The following CHD9 variants were observed in gnomAD, a reference collection of about 807,000 sequenced individuals.
CHD9 encodes the protein ATP-dependent chromatin remodeler CHD9.
Under a neutral mutation model 316.1 loss-of-function variants are expected in CHD9, and 77 were observed. The observed-to-expected ratio is 0.24, with a 90% CI of 0.20 to 0.29. CHD9 has a LOEUF of 0.29. Ranked by LOEUF, CHD9 falls within the 10% of genes least tolerant of loss-of-function variation. CHD9 has a pLI of 1.00. For missense variants in CHD9, 2,763 were observed against 3,438.1 expected (o/e 0.80, Z 4.91); for synonymous variants, 1,129 against 1,158.3 (o/e 0.97, Z 0.51).
At chr16:53,209,147 CTT>C (rs2046126629) in intron 2 of CHD9, among the ~76,000 whole-genome samples, 1 of 152,088 alleles carries the variant, frequency 6.6e-6, no homozygotes, top group Non-Finnish European at 1.5e-5. Context: ...AAAGAAAAGA[CTT>C]TTATTCCAAA....
intron 24 of CHD9, among the ~76,000 whole-genome samples, chr16:53,279,529 A>G (rs752460460): frequency 6.6e-6 from 1 of 152,192 alleles, no homozygotes; most frequent in African/African-American, 2.4e-5. Flanking sequence ...TCAACTAGAG[A>G]TGGATCATGG....
At chr16:53,213,485 G>A (rs934074046) in intron 3 of CHD9, among the ~76,000 whole-genome samples, 2 of 152,066 alleles carry the variant, frequency 1.3e-5, no homozygotes, top group Admixed American at 1.3e-4. Flanking sequence ...ATGGAAAGAA[G>A]GTTAAATATT....
At chr16:53,250,558 A>G (rs1246664135) in intron 17 of CHD9, 1 of 152,416 alleles carries the variant, frequency 6.6e-6, no homozygotes, top group African/African-American at 2.4e-5. Flanking sequence ...AAATTTCAGA[A>G]TTTTAATCCT....
rs1017345278 is a variant in CHD9, at chr16:53,164,645, A to AG, written c.1452+7112dup. On this transcript the variant is annotated intron_variant, in intron 2 of 38. Coordinates refer to ENST00000447540, the MANE Select transcript of CHD9 (RefSeq NM_001308319.2). ...GTTCTGTTTTTTGTTTTTTTTTTGGAGGGGGGGGTTTGTTGTTGTTGTTTT... is the reference window on the plus strand; with the variant it reads ...GTTCTGTTTTTTGTTTTTTTTTTGGAGGGGGGGGGTTTGTTGTTGTTGTTTT... 9.7e-5 allele frequency among the ~76,000 whole-genome samples: 14 copies of AG among 144,562 alleles called. No individual in the cohort carries two copies. In the South Asian group the frequency reaches 1.1e-3, roughly 12 times the overall value. The allele number at this position is 144,562 out of a possible 152,430, so 94.8% of individuals were successfully genotyped here.
At chr16:53,173,037 TTG>T (rs1478953520) in intron 2 of CHD9, among the ~76,000 whole-genome samples, 2 of 152,132 alleles carry the variant, frequency 1.3e-5, no homozygotes, top group Non-Finnish European at 1.5e-5. Context: ...GAAAATAAAA[TTG>T]TGTTTTGTTT....
chr16:53,306,496 G>C (rs1262393696), intron 32 of CHD9, 99 bp downstream of exon 32: 1 of 966,538 alleles, frequency 1.0e-6, no homozygotes, highest in African/African-American at 1.7e-5. Flanking sequence ...ATAGGTCAGC[G>C]TAAAATGTAG....
intron 1 of CHD9, among the ~76,000 whole-genome samples, chr16:53,102,337 C>T (rs2036952485): frequency 1.3e-5 from 2 of 152,056 alleles, no homozygotes; most frequent in African/African-American, 4.8e-5. Context: ...ACTGTATTCC[C>T]TGTGTTGAGT....
At chr16:53,313,487 G>A (rs918519480) in intron 34 of CHD9, among the ~76,000 whole-genome samples, 1 of 151,938 alleles carries the variant, frequency 6.6e-6, no homozygotes, top group Admixed American at 6.6e-5. Flanking sequence ...TGTATTTTTA[G>A]TAGAGACGTG....
Position 53,222,714 on chromosome 16 carries a change from G to C in CHD9, c.1855G>C (p.Glu619Gln). The change falls in exon 4 of 39, where the codon GAA becomes CAA. Residue 619 changes from glutamate to glutamine, a missense_variant. Glu to Gln is a conservative substitution (Grantham distance 29). Transcript: ENST00000447540. The stretch of plus-strand genomic sequence containing the variant: ...GTCTTCAGATGAAATATCTGATGCA[G>C]AACAGATGCCACAGCATACATTAAA... ...NESSDEISDA[E>Q]QMPQHTLKDQ... 6.3e-7 allele frequency: 1 copy of C among 1,578,540 alleles called. No homozygotes were observed. The highest frequency in any genetic ancestry group is 8.6e-7 in the Non-Finnish European group (1 of 1,157,434).
intron 1 of CHD9, among the ~76,000 whole-genome samples, chr16:53,109,037 G>A (rs2037617142): frequency 6.6e-6 from 1 of 152,202 alleles, no homozygotes; most frequent in Non-Finnish European, 1.5e-5. Flanking sequence ...GGGATGTGCA[G>A]GGAGGAATAA....
intron 2 of CHD9, chr16:53,207,943 G>A: frequency 1.5e-6 from 1 of 659,072 alleles, no homozygotes; most frequent in African/African-American, 2.0e-5. Context: ...CCATCTGCTG[G>A]CCTACTTCCG....
intron 1 of CHD9, among the ~76,000 whole-genome samples, chr16:53,109,691 T>TTTTTC (rs1555485091): frequency 0.054 from 6,732 of 125,452 alleles, 640 homozygotes; most frequent in African/African-American, 0.17. Context: ...TTTTTTTTTT[T>TTTTTC]TTTTTTTTTT....
At chr16:53,271,586 A>C (rs112229506) in intron 22 of CHD9, among the ~76,000 whole-genome samples, 1 of 151,796 alleles carries the variant, frequency 6.6e-6, no homozygotes, top group African/African-American at 2.4e-5. Flanking sequence ...AAAAAAAAAG[A>C]AAAAGAAAAA....
chr16:53,145,865 T>C (rs117290663), intron 1 of CHD9, among the ~76,000 whole-genome samples: 1,837 of 152,174 alleles, frequency 0.012, 23 homozygotes, highest in Non-Finnish European at 0.02. Context: ...AATATACATA[T>C]AATGGAATAT....
chr16:53,171,085 T>G (rs926566276), intron 2 of CHD9, among the ~76,000 whole-genome samples: 1 of 152,150 alleles, frequency 6.6e-6, no homozygotes, highest in Non-Finnish European at 1.5e-5. Flanking sequence ...TGTTTCTCCT[T>G]TTAGGATTGG....
intron 19 of CHD9, among the ~76,000 whole-genome samples, chr16:53,261,591 G>A (rs539407281): frequency 1.3e-5 from 2 of 152,070 alleles, no homozygotes; most frequent in East Asian, 3.9e-4. Context: ...TGCCCAGGCT[G>A]GTCTTGAACT....
At chr16:53,208,453 A>C in intron 2 of CHD9, 5 of 1,196,084 alleles carry the variant, frequency 4.2e-6, no homozygotes, top group Non-Finnish European at 5.3e-6. Context: ...CGGGAGTCGT[A>C]CTGCATCGCC....
intron 38 of CHD9, among the ~76,000 whole-genome samples, chr16:53,322,895 T>C (rs1179910511): frequency 6.6e-6 from 1 of 152,196 alleles, no homozygotes; most frequent in African/African-American, 2.4e-5. Context: ...TATCTCTGAA[T>C]GTTGAGATGA....
chr16:53,152,748 G>A (rs1404306945), intron 1 of CHD9, among the ~76,000 whole-genome samples: 3 of 152,158 alleles, frequency 2.0e-5, no homozygotes, highest in Non-Finnish European at 4.4e-5. Flanking sequence ...AGTTTATTAG[G>A]TAAATGGGTC....
Sources: gnomAD v4.1 joint callset for allele counts (sites outside exome capture counted in the v4.1 genomes callset) on GRCh38, gnomAD v4.1.1 for gene constraint, MANE v1.5 for transcripts, NCBI Gene and HGNC (gene_info 2026-07-23, HGNC 2026-07-21) for gene names.